The following DACH1 variants were observed in gnomAD, a reference collection of about 807,000 sequenced individuals.
The protein encoded by DACH1 is dachshund homolog 1.
A neutral mutation model predicts 54.2 loss-of-function variants in DACH1; 12 were observed. The observed-to-expected ratio is 0.22, with a 90% CI of 0.14 to 0.36. DACH1 has a LOEUF of 0.36. DACH1 is among the 10% of genes least tolerant of loss of function. DACH1 has a pLI of 1.00. For synonymous variants in DACH1, 386 were observed against 366.2 expected, an observed-to-expected ratio of 1.05 and a Z score of -0.62; for missense variants, 805 against 929.8, an observed-to-expected ratio of 0.87 and a Z score of 1.75.
intron 7 of DACH1, 110 bp downstream of exon 7, chr13:71,488,887 T>C (rs1303092098): frequency 4.9e-6 from 5 of 1,013,592 alleles, no homozygotes; most frequent in African/African-American, 4.9e-5. Flanking sequence ...TTTAATACCA[T>C]GTTTCAGTCA....
intron 1 of DACH1, among the ~76,000 whole-genome samples, chr13:71,787,049 G>A (rs1050465088): frequency 3.9e-5 from 6 of 152,102 alleles, no homozygotes; most frequent in East Asian, 3.9e-4. Flanking sequence ...CAAAACCTGC[G>A]TCTTCACACA....
intron 7 of DACH1, among the ~76,000 whole-genome samples, chr13:71,481,764 G>A (rs1471284657): frequency 6.6e-6 from 1 of 152,182 alleles, no homozygotes; most frequent in Non-Finnish European, 1.5e-5. Flanking sequence ...AAATTTCAGT[G>A]CAGCAGGGGG....
chr13:71,765,170 T>C (rs1431194976), intron 1 of DACH1, among the ~76,000 whole-genome samples: 3 of 152,204 alleles, frequency 2.0e-5, no homozygotes, highest in Non-Finnish European at 2.9e-5. Flanking sequence ...TGTTATCTTT[T>C]TCCTCATTCT....
intron 6 of DACH1, among the ~76,000 whole-genome samples, chr13:71,550,295 G>T (rs570997727): frequency 1.1e-4 from 16 of 152,164 alleles, no homozygotes; most frequent in African/African-American, 3.9e-4. Context: ...ACTCTGAAAA[G>T]AACTTTATTG....
At chr13:71,536,858 C>T (rs557984853) in intron 6 of DACH1, among the ~76,000 whole-genome samples, 4 of 152,110 alleles carry the variant, frequency 2.6e-5, no homozygotes. Flanking sequence ...TTTCTCTCCA[C>T]TTTAATTGCC....
intron 1 of DACH1, among the ~76,000 whole-genome samples, chr13:71,756,065 C>T (rs1885135546): frequency 6.6e-6 from 1 of 152,006 alleles, no homozygotes; most frequent in Non-Finnish European, 1.5e-5. Flanking sequence ...AAGTCTCACT[C>T]TGTCGCCCAG....
At position 71,521,688 on chromosome 13, in the gene DACH1, GAAAGT is replaced by G. The variant is rs146482293; in HGVS notation, c.1571-32545_1571-32541del. Among the ~76,000 whole-genome samples the G allele has an allele frequency of 4.4e-3, 673 of 152,116 alleles. 4 individuals are homozygous for G. Among genetic ancestry groups the G allele is most frequent in the Non-Finnish European group, 7.5e-3 (511 of 67,980 alleles). ...ATTCCTCATGTCTTTTCTTCACCCA[GAAAGT>G]AAAGTAATCACCTGATCCCAGAGCA... On this transcript the variant is annotated intron_variant, in intron 6 of 10. Coordinates refer to ENST00000613252, the MANE Select transcript of DACH1 (RefSeq NM_080759.6).
chr13:71,748,903 T>TCC, intron 1 of DACH1, among the ~76,000 whole-genome samples: 1 of 19,814 alleles, frequency 5.0e-5, no homozygotes, highest in African/African-American at 1.3e-4. Context: ...TCTTTCTCTT[T>TCC]CTTTCTTTCT....
At chr13:71,865,890 G>T (rs1401017608) in intron 1 of DACH1, 32 bp downstream of exon 1, 2 of 1,549,680 alleles carry the variant, frequency 1.3e-6, no homozygotes, top group African/African-American at 1.4e-5. Flanking sequence ...GGGAAGGGGC[G>T]CGGGCGGCGG....
intron 2 of DACH1, chr13:71,675,136 G>A (rs1594083290): frequency 6.3e-7 from 1 of 1,583,348 alleles, no homozygotes; most frequent in South Asian, 1.1e-5. Flanking sequence ...GGCTACAAAA[G>A]CCGCTCGCAA....
chr13:71,746,419 T>C (rs1884604602), intron 1 of DACH1, among the ~76,000 whole-genome samples: 1 of 152,144 alleles, frequency 6.6e-6, no homozygotes, highest in Non-Finnish European at 1.5e-5. Context: ...TGGTCACTGA[T>C]GAAAAGTAAA....
chr13:71,827,283 A>G (rs962926443), intron 1 of DACH1, among the ~76,000 whole-genome samples: 1 of 152,038 alleles, frequency 6.6e-6, no homozygotes, highest in Non-Finnish European at 1.5e-5. Context: ...TGAATCGCCA[A>G]CCTACTGACT....
intron 1 of DACH1, among the ~76,000 whole-genome samples, chr13:71,818,363 A>G (rs147741954): frequency 6.6e-6 from 1 of 152,322 alleles, no homozygotes; most frequent in Non-Finnish European, 1.5e-5. Context: ...ATGAAAAAAC[A>G]GACAAATGAG....
intron 3 of DACH1, among the ~76,000 whole-genome samples, chr13:71,630,275 A>G (rs1258495537): frequency 1.3e-5 from 2 of 152,144 alleles, no homozygotes; most frequent in Admixed American, 6.6e-5. Context: ...AATTCTCTTG[A>G]TTAAACTTTG....
intron 6 of DACH1, among the ~76,000 whole-genome samples, chr13:71,496,200 T>A (rs1879390685): frequency 7.0e-6 from 1 of 143,792 alleles, no homozygotes; most frequent in South Asian, 2.3e-4. Flanking sequence ...ATGGCACCAC[T>A]GCACTCCAGC....
chr13:71,686,450 A>T lies in DACH1; in HGVS notation c.849-4540T>A, dbSNP rs78472658. Among the ~76,000 whole-genome samples, 774 of 152,222 alleles carry T rather than the reference A, an allele frequency of 5.1e-3. 9 individuals carry two copies. Among genetic ancestry groups the T allele is most frequent in the African/African-American group, 0.018 (747 of 41,534 alleles). On this transcript the variant is annotated intron_variant, in intron 1 of 10. Transcript: ENST00000613252. Reference sequence around the variant, plus strand: ...TATAACACTAAATCAATCTCATGCTAATTTCAGTCTCTCTCCTACAACTGT... The same window carrying T: ...TATAACACTAAATCAATCTCATGCTTATTTCAGTCTCTCTCCTACAACTGT...
chr13:71,454,471 C>T (rs1875371555), intron 10 of DACH1, among the ~76,000 whole-genome samples: 2 of 152,166 alleles, frequency 1.3e-5, no homozygotes, highest in African/African-American at 4.8e-5. Context: ...GATGGGATGT[C>T]ACTTTCAAGA....
At chr13:71,764,527 A>C (rs187734087) in intron 1 of DACH1, among the ~76,000 whole-genome samples, 2 of 152,306 alleles carry the variant, frequency 1.3e-5, no homozygotes, top group Admixed American at 6.5e-5. Context: ...AGAAAACATA[A>C]ACAGCCCACA....
At chr13:71,630,153 T>C (rs1356711797) in intron 3 of DACH1, among the ~76,000 whole-genome samples, 4 of 152,148 alleles carry the variant, frequency 2.6e-5, no homozygotes, top group African/African-American at 9.7e-5. Flanking sequence ...TTGCTGCCAA[T>C]GGTAGTAAGT....
Sources: gnomAD v4.1 joint callset for allele counts (sites outside exome capture counted in the v4.1 genomes callset) on GRCh38, gnomAD v4.1.1 for gene constraint, MANE v1.5 for transcripts, NCBI Gene and HGNC (gene_info 2026-07-23, HGNC 2026-07-21) for gene names.